ECHDC1: variants seen among roughly 807,000 people sequenced by gnomAD.
ECHDC1 encodes ethylmalonyl-CoA decarboxylase 1, also known as ethylmalonyl-CoA decarboxylase.
Under a neutral mutation model 29.7 loss-of-function variants are expected in ECHDC1, and 29 were observed. The ratio of observed to expected loss-of-function variants is 0.98; its 90% CI spans 0.73 to 1.33. The LOEUF (loss-of-function observed/expected upper bound fraction) is 1.33. Among genes scored for constraint, ECHDC1 ranks in the 40% most tolerant of loss-of-function variants. The pLI is 0.00. For missense variants in ECHDC1, 328 were observed against 350.0 expected (o/e 0.94, Z 0.50); for synonymous variants, 126 against 123.1 (o/e 1.02, Z -0.15).
chr6:127,309,909 T>A (rs984003442), intron 5 of ECHDC1, among the ~76,000 whole-genome samples: 1 of 152,096 alleles, frequency 6.6e-6, no homozygotes, highest in African/African-American at 2.4e-5. Context: ...TACGCACTTA[T>A]CATGAGAAGA....
intron 5 of ECHDC1, among the ~76,000 whole-genome samples, chr6:127,301,416 G>A (rs1414499404): frequency 1.3e-5 from 2 of 152,194 alleles, no homozygotes; most frequent in African/African-American, 4.8e-5. Flanking sequence ...AGGTAAGAAA[G>A]TTAAACAAGC....
At chr6:127,314,742 T>G in intron 5 of ECHDC1, 74 bp downstream of exon 5, 3 of 1,139,520 alleles carry the variant, frequency 2.6e-6, no homozygotes, top group Non-Finnish European at 3.8e-6. Flanking sequence ...TATAAAATAT[T>G]GATATTAAGG....
intron 1 of ECHDC1, among the ~76,000 whole-genome samples, chr6:127,338,260 G>C (rs753042739): frequency 1.4e-4 from 22 of 152,222 alleles, no homozygotes; most frequent in Non-Finnish European, 2.9e-4. Flanking sequence ...CAGAGAGAAA[G>C]CATCTTTAAA....
chr6:127,333,020 T>C (rs1784103728), intron 1 of ECHDC1, among the ~76,000 whole-genome samples: 1 of 152,232 alleles, frequency 6.6e-6, no homozygotes, highest in African/African-American at 2.4e-5. Context: ...CTCAAGTTCC[T>C]GGCCTCAAGT....
rs1211019737 is a variant in ECHDC1 at position 127,316,461 on chromosome 6, T to C, written c.405A>G (p.Thr135=). ...AVCMFMQNTL[T]RFMRLPLISV... is the part of the protein sequence containing the mutation. The stretch of plus-strand genomic sequence containing the variant: ...GAAGGCTGCATTACCTCATAAATCT[T>C]GTTAAGGTGTTTTGCATGAACATGC... The change falls in exon 4 of 6, where the codon ACA becomes ACG. Residue 135 remains threonine, a synonymous_variant. Transcript: ENST00000454859. The C allele has an allele frequency of 6.2e-7, 1 of 1,604,908 alleles. No homozygotes were observed. The highest frequency in any genetic ancestry group is 8.5e-7 in the Non-Finnish European group (1 of 1,176,444).
chr6:127,330,843 A>G lies in ECHDC1; in HGVS notation c.186T>C (p.Thr62=). ...CATTCATTCTACTTGGATTGTTCAG[A>G]GTAAGAATGCCAATGCCATTGTCTT... ...QKEDNGIGIL[T]LNNPSRMNAF... Residue 62 remains threonine (T), a synonymous_variant, in exon 2 of 6, where the codon ACT becomes ACC. Coordinates refer to ENST00000454859, the MANE Select transcript of ECHDC1 (RefSeq NM_001002030.2). The G allele has an allele frequency of 6.2e-7, 1 of 1,614,084 alleles. No homozygotes were observed. The highest frequency in any genetic ancestry group is 1.7e-5 in the Admixed American group (1 of 60,014).
chr6:127,312,937 ATATTTATGTAAAAATG>A (rs1562317103), intron 5 of ECHDC1: 1 of 152,156 alleles, frequency 6.6e-6, no homozygotes, highest in African/African-American at 2.4e-5. Context: ...CATACTCTAT[ATATTTATGTAAAAATG>A]TATTTATGTA....
intron 5 of ECHDC1, among the ~76,000 whole-genome samples, chr6:127,304,288 C>T (rs544456839): frequency 6.6e-6 from 1 of 152,294 alleles, no homozygotes; most frequent in African/African-American, 2.4e-5. Context: ...GGATCTTCTC[C>T]AAGACCATCA....
chr6:127,310,161 C>G (rs953858607), intron 5 of ECHDC1, among the ~76,000 whole-genome samples: 1 of 152,044 alleles, frequency 6.6e-6, no homozygotes, highest in African/African-American at 2.4e-5. Context: ...TGAATAAGGT[C>G]TATTGTACAG....
chr6:127,331,154 T>A, intron 1 of ECHDC1, 124 bp from the exon 2 acceptor site: 1 of 459,648 alleles, frequency 2.2e-6, no homozygotes, highest in Non-Finnish European at 3.6e-6. Context: ...CCCATTTCTT[T>A]TTTTTTTTTT....
chr6:127,338,720 T>C (rs1349846935), intron 1 of ECHDC1, among the ~76,000 whole-genome samples: 1 of 152,174 alleles, frequency 6.6e-6, no homozygotes, highest in East Asian at 1.9e-4. Flanking sequence ...AATACTAGTG[T>C]TTCACAGCTA....
chr6:127,331,170 G>C (rs1783908152), intron 1 of ECHDC1, 140 bp from the exon 2 acceptor site: 2 of 630,924 alleles, frequency 3.2e-6, no homozygotes, highest in Non-Finnish European at 5.3e-6. Context: ...TTTTTTTTGA[G>C]ACAATTTCAC....
chr6:127,316,816 C>A (rs1407057086), intron 3 of ECHDC1, among the ~76,000 whole-genome samples: 3 of 151,966 alleles, frequency 2.0e-5, no homozygotes, highest in Non-Finnish European at 4.4e-5. Flanking sequence ...TAAGATATAC[C>A]CATCTGTTAT....
intron 5 of ECHDC1, among the ~76,000 whole-genome samples, chr6:127,291,955 A>AT (rs901239057): frequency 1.3e-5 from 2 of 152,118 alleles, no homozygotes; most frequent in African/African-American, 4.8e-5. Context: ...GTCTTATAAA[A>AT]ATCTGAATTT....
intron 2 of ECHDC1, among the ~76,000 whole-genome samples, chr6:127,328,598 A>G (rs1314346965): frequency 6.6e-6 from 1 of 152,226 alleles, no homozygotes; most frequent in Admixed American, 6.5e-5. Flanking sequence ...GATGTCCTAG[A>G]TCCTTTAGAA....
At chr6:127,339,989 G>A in intron 1 of ECHDC1, among the ~76,000 whole-genome samples, 1 of 152,106 alleles carries the variant, frequency 6.6e-6, no homozygotes, top group East Asian at 1.9e-4. Flanking sequence ...TCTTCAGAAA[G>A]GGAAGGCAAG....
intron 5 of ECHDC1, 104 bp from the exon 6 acceptor site, chr6:127,290,381 T>C (rs931724628): frequency 2.6e-6 from 3 of 1,141,774 alleles, no homozygotes; most frequent in African/African-American, 1.6e-5. Flanking sequence ...TAGATCTTTA[T>C]AGGTAGGTAT....
At chr6:127,337,982 T>C (rs1049936377) in intron 1 of ECHDC1, among the ~76,000 whole-genome samples, 4 of 152,220 alleles carry the variant, frequency 2.6e-5, no homozygotes, top group Admixed American at 1.3e-4. Flanking sequence ...ACAAATATTT[T>C]CAAACAGGAT....
intron 1 of ECHDC1, among the ~76,000 whole-genome samples, chr6:127,340,087 T>G (rs1192130449): frequency 6.6e-6 from 1 of 152,248 alleles, no homozygotes; most frequent in Non-Finnish European, 1.5e-5. Context: ...ATATTGACAC[T>G]TTTTAAGAAA....
Sources: gnomAD v4.1 joint callset for allele counts (sites outside exome capture counted in the v4.1 genomes callset) on GRCh38, gnomAD v4.1.1 for gene constraint, MANE v1.5 for transcripts, NCBI Gene and HGNC (gene_info 2026-07-23, HGNC 2026-07-21) for gene names.